The following TSHR variants were observed in gnomAD, a reference collection of about 807,000 sequenced individuals.
TSHR encodes thyrotropin receptor.
A neutral mutation model predicts 64.1 loss-of-function variants in TSHR; 51 were observed. The ratio of observed to expected loss-of-function variants is 0.80; its 90% CI spans 0.64 to 1.01. The LOEUF (loss-of-function observed/expected upper bound fraction) is 1.01, where lower values mean the gene tolerates loss of function less well. Among genes scored for constraint, TSHR ranks in the 50% least tolerant of loss-of-function variants. The pLI, the probability that TSHR is intolerant of heterozygous loss-of-function variation, is 0.00. For missense variants in TSHR, 877 were observed against 942.8 expected (o/e 0.93, Z 0.91); for synonymous variants, 361 against 361.9 (o/e 1.00, Z 0.03).
intron 1 of TSHR, among the ~76,000 whole-genome samples, chr14:81,001,975 C>T (rs576645222): frequency 1.3e-5 from 2 of 152,208 alleles, no homozygotes; most frequent in South Asian, 4.1e-4. Flanking sequence ...AAACACAGTT[C>T]CTTAAACACA....
At position 81,144,310 on chromosome 14, in the gene TSHR, A is replaced by G. The variant is rs144564069; in HGVS notation, c.2252A>G (p.Lys751Arg). The stretch of plus-strand genomic sequence containing the variant: ...GAAAACTCCCATCTAACCCCAAAGA[A>G]GCAAGGCCAAATCTCAGAAGAGTAT... ...LIENSHLTPK[K>R]QGQISEEYMQ... Residue 751 changes from lysine (K) to arginine (R), a missense_variant, in exon 10 of 10, where the codon AAG becomes AGG. Physicochemically the swap from Lys to Arg is conservative, Grantham distance 26 (BLOSUM62 2). Transcript: ENST00000298171. The G allele has an allele frequency of 4.6e-5, 74 of 1,614,216 alleles. No individual in the cohort carries two copies. The East Asian group carries it at 4.9e-4, about 11-fold the overall frequency.
intron 1 of TSHR, among the ~76,000 whole-genome samples, chr14:80,960,070 G>A (rs541984221): frequency 1.4e-4 from 22 of 152,318 alleles, no homozygotes; most frequent in Admixed American, 6.5e-5. Flanking sequence ...TGTTAAAAAG[G>A]AAGCAAAGTA....
intron 1 of TSHR, among the ~76,000 whole-genome samples, chr14:81,041,454 T>A (rs748932825): frequency 6.6e-6 from 1 of 151,830 alleles, no homozygotes; most frequent in Non-Finnish European, 1.5e-5. Flanking sequence ...CAGTTATAAG[T>A]GGGAACTAAA....
intron 6 of TSHR, among the ~76,000 whole-genome samples, chr14:81,093,357 T>G (rs1486603649): frequency 6.6e-6 from 1 of 152,196 alleles, no homozygotes; most frequent in Non-Finnish European, 1.5e-5. Flanking sequence ...GTATAAAGGA[T>G]AAGTTAATTC....
intron 9 of TSHR, 123 bp downstream of exon 9, chr14:81,139,990 A>G (rs1891617937): frequency 7.6e-7 from 1 of 1,319,470 alleles, no homozygotes; most frequent in East Asian, 2.5e-5. Context: ...GGAAGCATCC[A>G]TATGAAACAG....
intron 3 of TSHR, among the ~76,000 whole-genome samples, chr14:81,075,143 A>G (rs563386213): frequency 1.4e-4 from 21 of 152,344 alleles, no homozygotes; most frequent in African/African-American, 5.1e-4. Context: ...CAGGCGACCA[A>G]TTGTTCAAAC....
chr14:80,961,378 G>C (rs1326528094), intron 1 of TSHR, among the ~76,000 whole-genome samples: 1 of 152,178 alleles, frequency 6.6e-6, no homozygotes, highest in African/African-American at 2.4e-5. Flanking sequence ...CTCTTTGTAG[G>C]GGTGAGGGAT....
chr14:81,140,987 G>A (rs1052128119), intron 9 of TSHR, among the ~76,000 whole-genome samples: 2 of 152,210 alleles, frequency 1.3e-5, no homozygotes, highest in African/African-American at 4.8e-5. Context: ...TTAGCCAGAT[G>A]TGGTGGTGGG....
chr14:81,142,977 C>A lies in TSHR; in HGVS notation c.919C>A (p.Gln307Lys), dbSNP rs749686499. Reference sequence around the variant, plus strand: ...CTTGATGTGTAATGAGAGCAGTATGCAGAGCTTGCGCCAGAGAAAATCTGT... The same window carrying A: ...CTTGATGTGTAATGAGAGCAGTATGAAGAGCTTGCGCCAGAGAAAATCTGT... ...ESLMCNESSM[Q>K]SLRQRKSVNA... Residue 307 changes from glutamine to lysine, a missense_variant, in exon 10 of 10, where the codon CAG becomes AAG. Coordinates refer to ENST00000298171, the MANE Select transcript of TSHR (RefSeq NM_000369.5). The A allele has an allele frequency of 2.5e-6, 4 of 1,614,148 alleles. No individual in the cohort carries two copies. The highest frequency in any genetic ancestry group is 3.4e-6 in the Non-Finnish European group (4 of 1,180,034).
intron 8 of TSHR, among the ~76,000 whole-genome samples, chr14:81,126,588 G>T (rs1891029717): frequency 6.6e-6 from 1 of 152,068 alleles, no homozygotes; most frequent in Non-Finnish European, 1.5e-5. Flanking sequence ...GACAAAAACT[G>T]GTAGAACATA....
rs1156625445 is a variant in TSHR, at chr14:81,073,018, ATAAATATATATAT to A, written c.317+4691_317+4703del. On this transcript the variant is annotated intron_variant, in intron 3 of 9. Transcript: ENST00000298171. The stretch of plus-strand genomic sequence containing the variant: ...TCTCAAAAAAAAAAAAAAATAAAAA[ATAAATATATATAT>A]ATATATATATATATATATAAAATGC... Among the ~76,000 whole-genome samples, 3 of 49,604 alleles carry A rather than the reference ATAAATATATATAT, an allele frequency of 6.0e-5. 1 individual carries two copies. The highest frequency in any genetic ancestry group is 3.0e-4 in the African/African-American group (3 of 9,892). 32.5% of individuals were successfully genotyped at this position (49,604 alleles called of 152,430 possible). A position where few individuals can be genotyped will look rare whatever the true frequency, so the allele number is the denominator to read the frequency against.
intron 1 of TSHR, among the ~76,000 whole-genome samples, chr14:80,973,265 C>CG (rs1887670278): frequency 6.6e-6 from 1 of 151,720 alleles, no homozygotes; most frequent in African/African-American, 2.4e-5. Flanking sequence ...ATTAGCCGGG[C>CG]TAGGTGGCGG....
At chr14:81,116,804 T>G (rs1278668159) in intron 8 of TSHR, among the ~76,000 whole-genome samples, 1 of 150,974 alleles carries the variant, frequency 6.6e-6, no homozygotes, top group African/African-American at 2.5e-5. Flanking sequence ...TCAGCAAATG[T>G]AAAAGAACAC....
rs370257629 is a variant in TSHR, at chr14:81,103,117, T to C, written c.615-5258T>C. On this transcript the variant is annotated intron_variant, in intron 7 of 9. Transcript: ENST00000298171. This position sits in a 1 kb window ranked among gnomAD's most constrained non-coding sequence, Gnocchi z 4.1. ...AAATGATGGTTGTGATAAGGAGCCC[T>C]GGGACTGGAGGAAGACAAGGATTGA... 2.3e-5 allele frequency: 23 copies of C among 985,300 alleles called. No homozygotes were observed. In the East Asian group the frequency reaches 1.1e-3, roughly 49 times the overall value. 61.0% of individuals were successfully genotyped at this position (985,300 alleles called of 1,614,324 possible).
At position 81,103,239 on chromosome 14, in the gene TSHR, A is replaced by C; in HGVS notation, c.615-5136A>C. ...CATAGGGATGTTGCTTTTGGTGTCA[A>C]TGCTAATTAAGATTTTAAACTAAGG... On this transcript the variant is annotated intron_variant, in intron 7 of 9. Transcript: ENST00000298171. The surrounding 1 kb of genome is among the most constrained non-coding windows in gnomAD (Gnocchi z 4.1). 1 of 985,436 alleles carries C rather than the reference A, an allele frequency of 1.0e-6. No homozygotes were observed. Among genetic ancestry groups the C allele is most frequent in the Non-Finnish European group, 1.2e-6 (1 of 829,928 alleles). 61.0% of individuals were successfully genotyped at this position (985,436 alleles called of 1,614,324 possible). A position where few individuals can be genotyped will look rare whatever the true frequency, so the allele number is the denominator to read the frequency against.
At chr14:81,042,865 C>G in intron 1 of TSHR, among the ~76,000 whole-genome samples, 1 of 152,036 alleles carries the variant, frequency 6.6e-6, no homozygotes, top group East Asian at 1.9e-4. Flanking sequence ...TTGGTCATTA[C>G]ACAACTATAC....
At chr14:81,112,090 G>A (rs538722727) in intron 8 of TSHR, among the ~76,000 whole-genome samples, 2 of 152,100 alleles carry the variant, frequency 1.3e-5, no homozygotes, top group African/African-American at 2.4e-5. Context: ...CCTCTTGGTG[G>A]CATTCCAGGT....
At chr14:81,049,226 T>C (rs970990498) in intron 1 of TSHR, among the ~76,000 whole-genome samples, 22 of 152,200 alleles carry the variant, frequency 1.4e-4, no homozygotes, top group Admixed American at 1.3e-4. Flanking sequence ...GCTTTGACTC[T>C]ACCATAGCAA....
At chr14:81,005,197 TTG>T (rs71103894) in intron 1 of TSHR, among the ~76,000 whole-genome samples, 2,295 of 149,828 alleles carry the variant, frequency 0.015, 30 homozygotes, top group African/African-American at 0.036. Flanking sequence ...ACTCAAGCCT[TTG>T]TGTGTGTGTG....
Sources: gnomAD v4.1 joint callset for allele counts (sites outside exome capture counted in the v4.1 genomes callset) on GRCh38, gnomAD v4.1.1 for gene constraint, Gnocchi (gnomAD v3.1) non-coding constraint, MANE v1.5 for transcripts, NCBI Gene and HGNC (gene_info 2026-07-23, HGNC 2026-07-21) for gene names.